Variants in DAB1 observed in about 807,000 individuals in gnomAD.
DAB1 encodes the protein DAB adaptor protein 1.
A neutral mutation model predicts 64.6 loss-of-function variants in DAB1; 15 were observed. The observed-to-expected ratio is 0.23, with a 90% CI of 0.16 to 0.36. The LOEUF is 0.36. Ranked by LOEUF, DAB1 falls within the 10% of genes least tolerant of loss-of-function variation. The pLI, the probability that DAB1 is intolerant of heterozygous loss-of-function variation, is 1.00. For synonymous variants in DAB1, 235 were observed against 251.9 expected, an observed-to-expected ratio of 0.93 and a Z score of 0.64; for missense variants, 596 against 706.7, an observed-to-expected ratio of 0.84 and a Z score of 1.78.
chr1:57,150,900 A>C (rs1438692328), intron 2 of DAB1, among the ~76,000 whole-genome samples: 1 of 152,182 alleles, frequency 6.6e-6, no homozygotes, highest in Non-Finnish European at 1.5e-5. Context: ...GTGCACCTGC[A>C]ATCCCAGCAC....
chr1:57,723,004 C>T (rs763963163), intron 6 of DAB1, among the ~76,000 whole-genome samples: 2 of 152,150 alleles, frequency 1.3e-5, no homozygotes, highest in Non-Finnish European at 2.9e-5. Context: ...TCTCCAAAAG[C>T]TTTCAATGGC....
rs190787609 is a variant in DAB1 at position 58,248,284 on chromosome 1, G to C, written n.309+95068C>G. ...CCACTGGGAGCGAGGTGGCACTGCT[G>C]CTGTCACATTGCATGTACTGCTCAG... On this transcript the variant is annotated intron_variant and non_coding_transcript_variant, in intron 4 of 20. Coordinates refer to the DAB1 transcript ENST00000485760. Among the ~76,000 whole-genome samples the C allele has an allele frequency of 6.4e-3, 979 of 152,212 alleles. 13 individuals are homozygous for C. Among genetic ancestry groups the C allele is most frequent in the African/African-American group, 0.023 (938 of 41,532 alleles).
At chr1:57,289,255 A>G (rs1281319081) in intron 2 of DAB1, among the ~76,000 whole-genome samples, 2 of 152,246 alleles carry the variant, frequency 1.3e-5, no homozygotes, top group African/African-American at 4.8e-5. Flanking sequence ...ATGAAAAAAT[A>G]TGCACTAAGA....
At chr1:57,586,207 A>G (rs1190313694) in intron 7 of DAB1, among the ~76,000 whole-genome samples, 2 of 152,216 alleles carry the variant, frequency 1.3e-5, no homozygotes, top group Non-Finnish European at 2.9e-5. Flanking sequence ...TCTTACAGTC[A>G]GAAGGTGACT....
rs1354735809 is a variant in DAB1, at chr1:58,536,416, TA to T, written n.33-9082del. 7 of 661,702 alleles carry T rather than the reference TA, an allele frequency of 1.1e-5. No homozygotes were observed. In the Admixed American group the frequency reaches 1.4e-4, roughly 13 times the overall value. 41.0% of individuals were successfully genotyped at this position (661,702 alleles called of 1,614,324 possible). Reference sequence around the variant, plus strand: ...AAAATGCTAATTTCATATCAAAGACTAAAATTAAAAAACAACATATCTTTCA... The same window carrying T: ...AAAATGCTAATTTCATATCAAAGACTAAATTAAAAAACAACATATCTTTCA... On this transcript the variant is annotated intron_variant and non_coding_transcript_variant, in intron 1 of 20. Coordinates refer to the DAB1 transcript ENST00000485760.
At chr1:57,546,741 C>G in intron 7 of DAB1, among the ~76,000 whole-genome samples, 1 of 152,084 alleles carries the variant, frequency 6.6e-6, no homozygotes, top group Non-Finnish European at 1.5e-5. Flanking sequence ...GTGGGCTACA[C>G]CATCTAGGTT....
intron 4 of DAB1, among the ~76,000 whole-genome samples, chr1:57,103,025 A>G (rs1479808129): frequency 6.6e-6 from 1 of 152,088 alleles, no homozygotes; most frequent in African/African-American, 2.4e-5. Flanking sequence ...GGTCTCAGAA[A>G]CCCACACGCT....
At chr1:57,970,642 A>C (rs1645774909) in intron 5 of DAB1, among the ~76,000 whole-genome samples, 1 of 152,184 alleles carries the variant, frequency 6.6e-6, no homozygotes, top group Admixed American at 6.5e-5. Context: ...TGAATAAGAA[A>C]TACTTTCCCT....
intron 4 of DAB1, among the ~76,000 whole-genome samples, chr1:57,100,182 A>T (rs1654538457): frequency 6.6e-6 from 1 of 152,182 alleles, no homozygotes; most frequent in African/African-American, 2.4e-5. Context: ...TGTAAAATGA[A>T]GATAAAAATA....
At chr1:57,924,870 T>C (rs1180667891) in intron 5 of DAB1, among the ~76,000 whole-genome samples, 5 of 152,076 alleles carry the variant, frequency 3.3e-5, no homozygotes, top group Admixed American at 3.3e-4. Context: ...TAAAAAAAAG[T>C]TAACAAAGTA....
intron 7 of DAB1, among the ~76,000 whole-genome samples, chr1:57,476,480 G>T (rs1643940515): frequency 6.6e-6 from 1 of 152,100 alleles, no homozygotes; most frequent in South Asian, 2.1e-4. Flanking sequence ...ATAACAGAAA[G>T]AGGCCAATAG....
intron 2 of DAB1, among the ~76,000 whole-genome samples, chr1:57,204,484 T>C (rs1299753604): frequency 2.0e-5 from 3 of 148,658 alleles, no homozygotes; most frequent in South Asian, 2.1e-4. Flanking sequence ...CTTGTATAGA[T>C]AAACTCTAAG....
At chr1:57,916,396 T>C (rs965379937) in intron 5 of DAB1, among the ~76,000 whole-genome samples, 3 of 152,238 alleles carry the variant, frequency 2.0e-5, no homozygotes, top group Non-Finnish European at 2.9e-5. Context: ...GATTTCTTCA[T>C]GTTCAAAAAC....
At chr1:57,539,305 A>G (rs1252536724) in intron 7 of DAB1, among the ~76,000 whole-genome samples, 1 of 152,202 alleles carries the variant, frequency 6.6e-6, no homozygotes, top group African/African-American at 2.4e-5. Flanking sequence ...AAATAACACA[A>G]TCTAAAATAG....
intron 7 of DAB1, among the ~76,000 whole-genome samples, chr1:57,459,065 T>A (rs1370753655): frequency 1.3e-5 from 2 of 152,154 alleles, no homozygotes; most frequent in African/African-American, 4.8e-5. Flanking sequence ...TTAAAAATTA[T>A]AAACTTAATT....
At chr1:58,325,158 C>T (rs1662792375) in intron 4 of DAB1, among the ~76,000 whole-genome samples, 1 of 152,142 alleles carries the variant, frequency 6.6e-6, no homozygotes, top group African/African-American at 2.4e-5. Flanking sequence ...GGTGATAAAC[C>T]CCAAGCCTAA....
intron 7 of DAB1, among the ~76,000 whole-genome samples, chr1:57,560,664 G>A (rs994980779): frequency 3.3e-5 from 5 of 152,186 alleles, no homozygotes; most frequent in African/African-American, 1.2e-4. Flanking sequence ...AGAAGGTTCT[G>A]CAACAGGTCC....
chr1:57,403,032 T>G (rs1247887941), intron 1 of DAB1, among the ~76,000 whole-genome samples: 1 of 152,196 alleles, frequency 6.6e-6, no homozygotes, highest in African/African-American at 2.4e-5. Flanking sequence ...GTTATAAACC[T>G]GCATTTCCCA....
At chr1:57,299,755 G>A (rs1570208598) in intron 1 of DAB1, among the ~76,000 whole-genome samples, 2 of 152,356 alleles carry the variant, frequency 1.3e-5, no homozygotes, top group East Asian at 1.9e-4. Flanking sequence ...GCAGCAAGCT[G>A]TCCAAGGGGC....
Sources: allele counts gnomAD v4.1 joint callset (sites outside exome capture counted in the v4.1 genomes callset), GRCh38; gene constraint gnomAD v4.1.1; transcripts MANE v1.5; gene names NCBI Gene and HGNC (gene_info 2026-07-23, HGNC 2026-07-21).